SPATA18: variants seen among roughly 807,000 people sequenced by gnomAD.
The protein encoded by SPATA18 is mitochondria-eating protein.
Under a neutral mutation model 68.1 loss-of-function variants are expected in SPATA18, and 54 were observed. The ratio of observed to expected loss-of-function variants is 0.79; its 90% confidence interval spans 0.64 to 0.99. The LOEUF (loss-of-function observed/expected upper bound fraction) is 0.99. Among genes scored for constraint, SPATA18 ranks in the 50% least tolerant of loss-of-function variants. The pLI is 0.00. For synonymous variants in SPATA18, 242 were observed against 244.8 expected (o/e 0.99, Z 0.11); for missense variants, 724 against 681.1 (o/e 1.06, Z -0.70).
chr4:52,088,021 C>A (rs1301989175), intron 11 of SPATA18, among the ~76,000 whole-genome samples: 4 of 152,132 alleles, frequency 2.6e-5, no homozygotes, highest in African/African-American at 7.2e-5. Flanking sequence ...GTATTTTATT[C>A]TCTTAGTAGC....
chr4:52,084,526 C>A (rs181203896), intron 10 of SPATA18, among the ~76,000 whole-genome samples: 1 of 152,182 alleles, frequency 6.6e-6, no homozygotes, highest in Non-Finnish European at 1.5e-5. Context: ...TTATTTATGA[C>A]CCAAACACTG....
chr4:52,066,972 A>T (rs1739369605), intron 4 of SPATA18, among the ~76,000 whole-genome samples: 1 of 152,184 alleles, frequency 6.6e-6, no homozygotes. Context: ...ATACATGTGC[A>T]TGTATCAATA....
In SPATA18 at chr4:52,072,142, T is replaced by A; in HGVS notation, c.744T>A (p.Ser248Arg). Residue 248 changes from serine (S) to arginine (R), a missense_variant, in exon 6 of 13, where the codon AGT becomes AGA. Transcript: ENST00000295213. Reference protein sequence around the residue: ...EEIAVLSAEKSALQGRSSRSR... With the variant: ...EEIAVLSAEKRALQGRSSRSR... The stretch of plus-strand genomic sequence containing the variant: ...TAGCTGTTCTGTCTGCTGAGAAAAG[T>A]GCACTCCAAGGAAGGTCAGACAAAC... 2 of 1,614,066 alleles carry A rather than the reference T, an allele frequency of 1.2e-6. No individual in the cohort carries two copies. Among genetic ancestry groups the A allele is most frequent in the Non-Finnish European group, 1.7e-6 (2 of 1,180,012 alleles).
intron 1 of SPATA18, among the ~76,000 whole-genome samples, chr4:52,055,270 A>G (rs1738238290): frequency 6.6e-6 from 1 of 152,216 alleles, no homozygotes; most frequent in Non-Finnish European, 1.5e-5. Flanking sequence ...TTTCAGTTCT[A>G]CACTTATAAC....
chr4:52,094,523 C>G lies in SPATA18; in HGVS notation c.1564-4C>G, dbSNP rs1742260738. The G allele has an allele frequency of 6.2e-6, 10 of 1,612,536 alleles. No homozygotes were observed. Among genetic ancestry groups the G allele is most frequent in the Non-Finnish European group, 8.5e-6 (10 of 1,178,980 alleles). The stretch of plus-strand genomic sequence containing the variant: ...AATTCACATTATTCTTTTATATTTT[C>G]CAGATGTCTCGAAGTCGGAGTCCTT... On this transcript the variant is annotated splice_polypyrimidine_tract_variant and splice_region_variant and intron_variant, in intron 11 of 12. Transcript: ENST00000295213.
intron 9 of SPATA18, 74 bp downstream of exon 9, chr4:52,079,993 T>C: frequency 6.6e-7 from 1 of 1,505,576 alleles, no homozygotes; most frequent in Non-Finnish European, 9.0e-7. Context: ...GAAAACAATT[T>C]AAGGAAAAGA....
intron 1 of SPATA18, among the ~76,000 whole-genome samples, chr4:52,054,331 A>C (rs972954641): frequency 1.3e-5 from 2 of 152,154 alleles, no homozygotes; most frequent in African/African-American, 2.4e-5. Flanking sequence ...TATTTGAGTG[A>C]GATAGTAACA....
chr4:52,077,016 G>T lies in SPATA18; in HGVS notation c.996G>T (p.Gln332His). 1 of 1,608,906 alleles carries T rather than the reference G, an allele frequency of 6.2e-7. No homozygotes were observed. The highest frequency in any genetic ancestry group is 8.5e-7 in the Non-Finnish European group (1 of 1,177,472). ...GCATCGACAAGGCTGAGACCGTTCA[G>T]CGGATCATCTACATCGCCACAGTGG... is the stretch of plus-strand genomic sequence containing the variant. Reference protein sequence around the residue: ...RRCIDKAETVQRIIYIATVEA... With the variant: ...RRCIDKAETVHRIIYIATVEA... Residue 332 changes from glutamine to histidine, a missense_variant, in exon 7 of 13, where the codon CAG becomes CAT. Gln to His is a conservative substitution (Grantham distance 24). Transcript: ENST00000295213.
rs774153263 is a variant in SPATA18 at position 52,095,093 on chromosome 4, A to G, written c.*206A>G. ...TTGCATTCTATTTTATTTTATAGAT[A>G]CTAATTCCATTAATTTCATAAAAAT... On this transcript the variant is annotated 3_prime_UTR_variant, in exon 13 of 13. Coordinates refer to ENST00000295213, the MANE Select transcript of SPATA18 (RefSeq NM_145263.4). 1.4e-4 allele frequency: 80 copies of G among 583,720 alleles called. No individual in the cohort carries two copies. Among genetic ancestry groups the G allele is most frequent in the Non-Finnish European group, 2.1e-4 (69 of 332,512 alleles). The allele number at this position is 583,720 out of a possible 1,614,324, so 36.2% of individuals were successfully genotyped here.
rs578197983 is a variant in SPATA18 at position 52,093,876 on chromosome 4, T to C, written c.1564-651T>C. ...AACTTTCTGTCTGTTTCCATCATCCTCTTGCCACAACAAAACTGGGTATAC... is the reference window on the plus strand; with the variant it reads ...AACTTTCTGTCTGTTTCCATCATCCCCTTGCCACAACAAAACTGGGTATAC... On this transcript the variant is annotated intron_variant, in intron 11 of 12. Transcript: ENST00000295213. Among the ~76,000 whole-genome samples the C allele has an allele frequency of 5.9e-5, 9 of 152,330 alleles. No homozygotes were observed. The East Asian group carries it at 7.7e-4, about 13-fold the overall frequency.
At chr4:52,074,406 G>A (rs1488289027) in intron 6 of SPATA18, among the ~76,000 whole-genome samples, 3 of 152,188 alleles carry the variant, frequency 2.0e-5, no homozygotes, top group Non-Finnish European at 4.4e-5. Flanking sequence ...GGCCCCATAT[G>A]AGAGGAAAAG....
chr4:52,059,724 A>G (rs1005888005), intron 1 of SPATA18, among the ~76,000 whole-genome samples: 10 of 152,196 alleles, frequency 6.6e-5, no homozygotes, highest in Non-Finnish European at 1.3e-4. Context: ...CTGCCCCACG[A>G]GTCTGCAAGT....
chr4:52,056,975 A>G (rs1738401384), intron 1 of SPATA18, among the ~76,000 whole-genome samples: 1 of 152,202 alleles, frequency 6.6e-6, no homozygotes, highest in South Asian at 2.1e-4. Flanking sequence ...CTTTCCGCTA[A>G]TATGCCTTGG....
At chr4:52,079,323 A>G (rs1299183739) in intron 8 of SPATA18, among the ~76,000 whole-genome samples, 1 of 152,206 alleles carries the variant, frequency 6.6e-6, no homozygotes, top group Non-Finnish European at 1.5e-5. Flanking sequence ...AAATGAAAGA[A>G]AGTAGGCAAT....
intron 10 of SPATA18, 91 bp from the exon 11 acceptor site, chr4:52,084,825 T>C: frequency 1.6e-6 from 2 of 1,259,102 alleles, no homozygotes; most frequent in South Asian, 2.5e-5. Flanking sequence ...TAAGTAAAAC[T>C]CTTATTCTGT....
intron 2 of SPATA18, 23 bp downstream of exon 2, chr4:52,060,547 C>A (rs1738742483): frequency 3.8e-6 from 6 of 1,596,388 alleles, no homozygotes; most frequent in Non-Finnish European, 5.2e-6. Context: ...TGTAATTTCC[C>A]ATCCAGTTCT....
intron 11 of SPATA18, among the ~76,000 whole-genome samples, chr4:52,091,501 G>C (rs371214717): frequency 9.9e-5 from 15 of 152,224 alleles, no homozygotes; most frequent in African/African-American, 3.4e-4. Flanking sequence ...CTTTCTGTTT[G>C]TTTCTTTTCC....
intron 10 of SPATA18, chr4:52,083,011 T>A (rs1204754982): frequency 1.0e-6 from 1 of 985,228 alleles, no homozygotes; most frequent in Non-Finnish European, 1.2e-6. Flanking sequence ...GAGGAACCAA[T>A]CAGTTTGGGA....
At chr4:52,082,994 T>C in intron 10 of SPATA18, 1 of 985,072 alleles carries the variant, frequency 1.0e-6, no homozygotes, top group South Asian at 4.7e-5. Context: ...GCAGAGGAGG[T>C]GGGAGAGAGG....
Sources: allele counts gnomAD v4.1 joint callset (sites outside exome capture counted in the v4.1 genomes callset), GRCh38; gene constraint gnomAD v4.1.1; transcripts MANE v1.5; gene names NCBI Gene and HGNC (gene_info 2026-07-23, HGNC 2026-07-21).